The following ZC3H3 variants were observed in gnomAD, a reference collection of about 807,000 sequenced individuals.
The protein encoded by ZC3H3 is zinc finger CCCH-type containing 3.
A neutral mutation model predicts 77.3 loss-of-function variants in ZC3H3; 36 were observed. That is an observed-to-expected ratio of 0.47 (90% confidence interval 0.36 to 0.61). The LOEUF is 0.61. ZC3H3 is among the 20% of genes least tolerant of loss of function. The pLI is 0.00. For missense variants in ZC3H3, 1,331 were observed against 1,312.2 expected, an observed-to-expected ratio of 1.01 and a Z score of -0.22; for synonymous variants, 626 against 555.2, an observed-to-expected ratio of 1.13 and a Z score of -1.79.
At chr8:143,513,218 C>G (rs899023142) in intron 3 of ZC3H3, among the ~76,000 whole-genome samples, 1 of 152,186 alleles carries the variant, frequency 6.6e-6, no homozygotes, top group African/African-American at 2.4e-5. Flanking sequence ...ACCTGCCAAG[C>G]GCAGGCCCCA....
chr8:143,536,574 G>C, intron 2 of ZC3H3, 121 bp from the exon 3 acceptor site: 1 of 1,099,382 alleles, frequency 9.1e-7, no homozygotes, highest in East Asian at 2.8e-5. Context: ...AGGCCACAGC[G>C]GGTCCTTTCT....
rs907980031 is a variant in ZC3H3, at chr8:143,475,265, C to T, written c.1903+133G>A. 1.5e-5 allele frequency: 17 copies of T among 1,151,574 alleles called. No homozygotes were observed. The African/African-American group carries it at 2.7e-4, about 18-fold the overall frequency. 71.3% of individuals were successfully genotyped at this position (1,151,574 alleles called of 1,614,324 possible). On this transcript the variant is annotated intron_variant, in intron 5 of 11. Coordinates refer to ENST00000262577, the MANE Select transcript of ZC3H3 (RefSeq NM_015117.3). Reference sequence around the variant, plus strand: ...GGGAGCATGAGGCCCCTGACCTCCTCCCCAAGACAGGGGCGTGAGCCAAGG... The same window carrying T: ...GGGAGCATGAGGCCCCTGACCTCCTTCCCAAGACAGGGGCGTGAGCCAAGG...
In ZC3H3 at chr8:143,538,780, G is replaced by A; in HGVS notation, c.587C>T (p.Pro196Leu). The A allele has an allele frequency of 6.2e-7, 1 of 1,612,210 alleles. No individual in the cohort carries two copies. Among genetic ancestry groups the A allele is most frequent in the Non-Finnish European group, 8.5e-7 (1 of 1,179,856 alleles). ...EDPLLVCQKE[P>L]GKPRMVKSVG... ...TGACTTCACCATCCTGGGCTTACCA[G>A]GCTCCTTCTGGCAGACCAGAAGAGG... The change falls in exon 2 of 12, where the codon CCT (proline) becomes CTT (leucine). Residue 196 changes from proline to leucine, a missense_variant. By Grantham distance (98) the Pro-to-Leu change is moderately conservative. Coordinates refer to ENST00000262577, the MANE Select transcript of ZC3H3 (RefSeq NM_015117.3).
rs1267573361 is a variant in ZC3H3, at chr8:143,474,085, G to A, written c.1903+1313C>T. ...GGCAAAGCCTCACCAAGGCCCCCATGTTCTGAGCCAGCTCCTGCACTGAGC... is the reference window on the plus strand; with the variant it reads ...GGCAAAGCCTCACCAAGGCCCCCATATTCTGAGCCAGCTCCTGCACTGAGC... On this transcript the variant is annotated intron_variant, in intron 5 of 11. Transcript: ENST00000262577. Among the ~76,000 whole-genome samples the A allele has an allele frequency of 5.3e-5, 8 of 152,308 alleles. No homozygotes were observed. The East Asian group carries it at 1.5e-3, about 29-fold the overall frequency.
chr8:143,474,417 G>C (rs1820667362), intron 5 of ZC3H3, among the ~76,000 whole-genome samples: 1 of 152,230 alleles, frequency 6.6e-6, no homozygotes, highest in Admixed American at 6.5e-5. Flanking sequence ...GCCACAGTGT[G>C]GCTCAGAGCC....
chr8:143,480,428 G>A (rs906285397), intron 4 of ZC3H3, among the ~76,000 whole-genome samples: 4 of 152,220 alleles, frequency 2.6e-5, no homozygotes, highest in African/African-American at 9.6e-5. Context: ...GGTCAGAGCA[G>A]CCCCCGCGCC....
At chr8:143,499,838 A>G (rs760732247) in intron 4 of ZC3H3, among the ~76,000 whole-genome samples, 1 of 152,160 alleles carries the variant, frequency 6.6e-6, no homozygotes, top group Non-Finnish European at 1.5e-5. Context: ...GAGGGGAGGT[A>G]GCAGGGAGGC....
At chr8:143,525,538 G>T (rs554484160) in intron 3 of ZC3H3, among the ~76,000 whole-genome samples, 1 of 152,214 alleles carries the variant, frequency 6.6e-6, no homozygotes, top group African/African-American at 2.4e-5. Flanking sequence ...GCCGAGAGAG[G>T]AGCGTCCCTG....
At chr8:143,439,378 G>A (rs944903305) in intron 11 of ZC3H3, among the ~76,000 whole-genome samples, 5 of 152,220 alleles carry the variant, frequency 3.3e-5, no homozygotes, top group African/African-American at 4.8e-5. Flanking sequence ...AATGATAGCC[G>A]TATGGTCGCA....
intron 3 of ZC3H3, chr8:143,523,397 A>T: frequency 2.0e-6 from 2 of 985,436 alleles, no homozygotes; most frequent in Non-Finnish European, 2.4e-6. Flanking sequence ...ACGCCCCTGC[A>T]GTTCATGTTT....
At chr8:143,496,582 G>A (rs140316638) in intron 4 of ZC3H3, among the ~76,000 whole-genome samples, 58 of 152,296 alleles carry the variant, frequency 3.8e-4, no homozygotes, top group Non-Finnish European at 4.0e-4. Flanking sequence ...CAACAACGAC[G>A]CAGGGCAAAG....
chr8:143,529,213 T>C (rs979950784), intron 3 of ZC3H3, among the ~76,000 whole-genome samples: 1 of 152,116 alleles, frequency 6.6e-6, no homozygotes, highest in Non-Finnish European at 1.5e-5. Context: ...TCCCATGCAC[T>C]GGAATCCACA....
chr8:143,483,445 G>A (rs1411218715), intron 4 of ZC3H3, among the ~76,000 whole-genome samples: 1 of 152,184 alleles, frequency 6.6e-6, no homozygotes, highest in Non-Finnish European at 1.5e-5. Flanking sequence ...TGCAGGGGAG[G>A]TGGTTCTACT....
intron 4 of ZC3H3, among the ~76,000 whole-genome samples, chr8:143,491,560 C>T (rs1004640081): frequency 3.3e-5 from 5 of 152,256 alleles, no homozygotes; most frequent in African/African-American, 4.8e-5. Flanking sequence ...GTGCCACACC[C>T]GGCTCGGGGC....
rs1822876947 is a variant in ZC3H3, at chr8:143,538,391, T to C, written c.976A>G (p.Arg326Gly). Residue 326 changes from arginine (R) to glycine (G), a missense_variant, in exon 2 of 12, where the codon AGG (arginine) becomes GGG (glycine). Physicochemically the swap from Arg to Gly is moderately radical, Grantham distance 125 (BLOSUM62 -2). Coordinates refer to ENST00000262577, the MANE Select transcript of ZC3H3 (RefSeq NM_015117.3). The stretch of plus-strand genomic sequence containing the variant: ...GCAGCCACTCTGGGACTGAGGGCCC[T>C]CCGAGCAACCCGGGGACTCTTCGAG... Reference protein sequence around the residue: ...ASSKSPRVARRALSPRVAAEN... With the variant: ...ASSKSPRVARGALSPRVAAEN... 4 of 1,613,198 alleles carry C rather than the reference T, an allele frequency of 2.5e-6. No individual in the cohort carries two copies. Among genetic ancestry groups the C allele is most frequent in the Non-Finnish European group, 3.4e-6 (4 of 1,180,024 alleles).
chr8:143,478,327 C>T (rs527618472), intron 4 of ZC3H3, among the ~76,000 whole-genome samples: 1 of 152,320 alleles, frequency 6.6e-6, no homozygotes, highest in African/African-American at 2.4e-5. Context: ...TCCCCTCCCC[C>T]AGGGGCAGCC....
Position 143,460,491 on chromosome 8 carries a change from A to G in ZC3H3, c.2307+5226T>C, listed in dbSNP as rs1477239828. On this transcript the variant is annotated intron_variant, in intron 9 of 11. Coordinates refer to ENST00000262577, the MANE Select transcript of ZC3H3 (RefSeq NM_015117.3). This position sits in a 1 kb window ranked among gnomAD's most constrained non-coding sequence, Gnocchi z 4.0. ...GAACGTAAAGTGGTTCAGCCACAAC[A>G]GAAAACACTTGCCGATTCCTCAGAA... Among the ~76,000 whole-genome samples the G allele has an allele frequency of 6.6e-6, 1 of 152,206 alleles. No homozygotes were observed. The highest frequency in any genetic ancestry group is 1.5e-5 in the Non-Finnish European group (1 of 68,036).
In ZC3H3 at chr8:143,507,776, G is replaced by A; in HGVS notation, c.1685C>T (p.Ser562Phe). ...TAGTGAGAGCCGCCGGGCCCGCCAG[G>A]AGGGCAGAGACAGGGGGAAGGGCGG... Reference protein sequence around the residue: ...SAPPFPLSLPSWRARRLSLSR... With the variant: ...SAPPFPLSLPFWRARRLSLSR... Residue 562 changes from serine to phenylalanine, a missense_variant, in exon 4 of 12, where the codon TCC (serine) becomes TTC (phenylalanine). Physicochemically the swap from Ser to Phe is radical, Grantham distance 155. This residue lies in a region of ZC3H3 where 978 missense variants were observed against 915.5 expected (regional missense o/e 1.07). Transcript: ENST00000262577. 6.3e-7 allele frequency: 1 copy of A among 1,595,436 alleles called. No individual in the cohort carries two copies. Among genetic ancestry groups the A allele is most frequent in the Non-Finnish European group, 8.5e-7 (1 of 1,172,310 alleles).
intron 3 of ZC3H3, among the ~76,000 whole-genome samples, chr8:143,524,076 C>A (rs1822335939): frequency 6.6e-6 from 1 of 152,264 alleles, no homozygotes; most frequent in Non-Finnish European, 1.5e-5. Context: ...CCCGGGCAGC[C>A]TCCCCAGCCC....
Sources: gnomAD v4.1 joint callset for allele counts (sites outside exome capture counted in the v4.1 genomes callset) on GRCh38, gnomAD v4.1.1 for gene constraint, gnomAD v4.1.1 regional missense constraint, Gnocchi (gnomAD v3.1) non-coding constraint, MANE v1.5 for transcripts, NCBI Gene and HGNC (gene_info 2026-07-23, HGNC 2026-07-21) for gene names.